Variants in KPNA4 observed in about 807,000 individuals in gnomAD.
KPNA4 encodes karyopherin subunit alpha 4.
A neutral mutation model predicts 71.3 loss-of-function variants in KPNA4; 13 were observed. The observed-to-expected ratio is 0.18, with a 90% CI of 0.12 to 0.29. The LOEUF is 0.29. Among genes scored for constraint, KPNA4 ranks in the 10% least tolerant of loss-of-function variants. The probability of loss-of-function intolerance (pLI) is 1.00; values close to 1 mark genes in which losing one functional copy is unlikely to be tolerated. For missense variants in KPNA4, 334 were observed against 603.2 expected, an observed-to-expected ratio of 0.55 and a Z score of 4.67; for synonymous variants, 189 against 195.2, an observed-to-expected ratio of 0.97 and a Z score of 0.26.
At position 160,501,207 on chromosome 3, in the gene KPNA4, A is replaced by C. The variant is rs559702994; in HGVS notation, c.*897T>G. On this transcript the variant is annotated 3_prime_UTR_variant, in exon 17 of 17. Transcript: ENST00000334256. The stretch of plus-strand genomic sequence containing the variant: ...ATTCATCTGGTGCAAATGCACAGGG[A>C]AACCTTCCTGAAAAGTTTTCTGACT... 4.6e-5 allele frequency: 7 copies of C among 152,318 alleles called. No individual in the cohort carries two copies. The highest frequency in any genetic ancestry group is 1.5e-5 in the Non-Finnish European group (1 of 68,000). The allele number at this position is 152,318 out of a possible 1,614,324, so 9.4% of individuals were successfully genotyped here.
intron 1 of KPNA4, among the ~76,000 whole-genome samples, chr3:160,552,379 T>C (rs1052706728): frequency 2.0e-5 from 3 of 152,046 alleles, no homozygotes; most frequent in Admixed American, 2.0e-4. Flanking sequence ...AAATAAAAAT[T>C]CTAATTTAGT....
chr3:160,537,779 T>C (rs370799771), intron 1 of KPNA4, among the ~76,000 whole-genome samples: 2 of 151,832 alleles, frequency 1.3e-5, no homozygotes, highest in East Asian at 3.9e-4. Context: ...CTTGATTATT[T>C]TTCTCTCACA....
chr3:160,558,945 A>C (rs1197382578), intron 1 of KPNA4, among the ~76,000 whole-genome samples: 1 of 152,166 alleles, frequency 6.6e-6, no homozygotes, highest in East Asian at 1.9e-4. Context: ...ACTTTTATTA[A>C]ATATTGGCCT....
intron 1 of KPNA4, among the ~76,000 whole-genome samples, chr3:160,544,802 GTT>G (rs149458727): frequency 6.7e-6 from 1 of 149,978 alleles, no homozygotes; most frequent in Non-Finnish European, 1.5e-5. Flanking sequence ...GAGAAAAATA[GTT>G]TTTTTTTTCC....
intron 2 of KPNA4, 63 bp downstream of exon 2, chr3:160,536,733 G>C (rs968661313): frequency 9.1e-6 from 8 of 874,776 alleles, no homozygotes; most frequent in Admixed American, 4.8e-5. Context: ...TTGGCATCTT[G>C]TATATAATGC....
intron 1 of KPNA4, among the ~76,000 whole-genome samples, chr3:160,549,786 T>C (rs1398682887): frequency 1.3e-5 from 2 of 152,218 alleles, no homozygotes; most frequent in South Asian, 2.1e-4. Context: ...TTTCCATTTC[T>C]GTAAAAAATG....
intron 11 of KPNA4, among the ~76,000 whole-genome samples, chr3:160,520,590 A>C (rs1318679427): frequency 2.7e-5 from 4 of 150,392 alleles, no homozygotes; most frequent in Non-Finnish European, 5.9e-5. Flanking sequence ...GTATTTAGCT[A>C]AGTGTTCCTT....
intron 13 of KPNA4, among the ~76,000 whole-genome samples, chr3:160,510,886 CAA>C (rs1721077881): frequency 6.6e-6 from 1 of 151,406 alleles, no homozygotes; most frequent in South Asian, 2.1e-4. Context: ...CTCCTGGGTT[CAA>C]GTTATTCTCC....
chr3:160,534,718 G>GAAAAAAAAAA (rs544384718), intron 5 of KPNA4, among the ~76,000 whole-genome samples: 2,902 of 72,590 alleles, frequency 0.04, 335 homozygotes, highest in African/African-American at 0.13. Context: ...CTCCATCTCA[G>GAAAAAAAAAA]AAAAAAAAAA....
chr3:160,533,122 C>T (rs528077519), intron 5 of KPNA4, among the ~76,000 whole-genome samples: 126 of 152,224 alleles, frequency 8.3e-4, no homozygotes, highest in African/African-American at 3.0e-3. Flanking sequence ...TTCCCAGGTT[C>T]GAGCAATTCT....
intron 16 of KPNA4, 52 bp from the exon 17 acceptor site, chr3:160,502,254 A>G (rs756928154): frequency 3.0e-6 from 3 of 996,050 alleles, no homozygotes; most frequent in Admixed American, 3.9e-5. Flanking sequence ...AAATATATAT[A>G]AACAGTATTA....
rs75242802 is a variant in KPNA4 at position 160,526,184 on chromosome 3, A to T, written c.557-77T>A. 1.3e-5 allele frequency: 13 copies of T among 1,032,686 alleles called. No individual in the cohort carries two copies. The East Asian group carries it at 3.5e-4, about 28-fold the overall frequency. The allele number at this position is 1,032,686 out of a possible 1,614,324, so 64.0% of individuals were successfully genotyped here. ...TTTTCAGAAAACACAAAGCACTGGGAATATGCTGCTTCATGTATTTTATCC... is the reference window on the plus strand; with the variant it reads ...TTTTCAGAAAACACAAAGCACTGGGTATATGCTGCTTCATGTATTTTATCC... On this transcript the variant is annotated intron_variant, in intron 8 of 16. Coordinates refer to ENST00000334256, the MANE Select transcript of KPNA4 (RefSeq NM_002268.5).
chr3:160,563,173 G>A lies in KPNA4; in HGVS notation c.69+2041C>T, dbSNP rs984769063. 4.0e-4 allele frequency among the ~76,000 whole-genome samples: 61 copies of A among 152,102 alleles called. 1 individual carries two copies. The highest frequency in any genetic ancestry group is 5.3e-4 in the Non-Finnish European group (36 of 68,016). On this transcript the variant is annotated intron_variant, in intron 1 of 16. Transcript: ENST00000334256. ...AATGTGGTATATCCATGAGCTGGAG[G>A]ATCATTGGATCATTCGGCCATAAGG...
At chr3:160,528,237 G>C (rs914605843) in intron 7 of KPNA4, among the ~76,000 whole-genome samples, 198 bp from the exon 8 acceptor site, 1 of 151,890 alleles carries the variant, frequency 6.6e-6, no homozygotes, top group East Asian at 1.9e-4. Context: ...GTATCAAAAT[G>C]AGTTATCCAG....
chr3:160,543,154 A>C (rs773674653), intron 1 of KPNA4, among the ~76,000 whole-genome samples: 3 of 152,120 alleles, frequency 2.0e-5, no homozygotes, highest in East Asian at 1.9e-4. Context: ...AGAGAAAATA[A>C]ATGCATACAT....
intron 1 of KPNA4, among the ~76,000 whole-genome samples, chr3:160,563,947 T>C (rs1161127807): frequency 6.6e-6 from 1 of 151,464 alleles, no homozygotes; most frequent in East Asian, 1.9e-4. Context: ...AAAGATAATA[T>C]TAACAGCTTT....
chr3:160,535,423 G>T, intron 5 of KPNA4, 90 bp downstream of exon 5: 4 of 788,030 alleles, frequency 5.1e-6, no homozygotes, highest in South Asian at 2.0e-5. Context: ...AGTTAAATTT[G>T]ATTAACAGGG....
chr3:160,561,152 G>C (rs902326573), intron 1 of KPNA4, among the ~76,000 whole-genome samples: 5 of 151,404 alleles, frequency 3.3e-5, no homozygotes, highest in Admixed American at 2.6e-4. Flanking sequence ...TTTATATTTA[G>C]GGTAAGTTGT....
At chr3:160,505,923 CAA>C (rs949303200) in intron 15 of KPNA4, among the ~76,000 whole-genome samples, 26 of 152,234 alleles carry the variant, frequency 1.7e-4, no homozygotes, top group Admixed American at 5.9e-4. Context: ...TCAAACTGTC[CAA>C]AACACAATTT....
Sources: allele counts gnomAD v4.1 joint callset (sites outside exome capture counted in the v4.1 genomes callset), GRCh38; gene constraint gnomAD v4.1.1; transcripts MANE v1.5; gene names NCBI Gene and HGNC (gene_info 2026-07-23, HGNC 2026-07-21).